RALYL: variants seen among roughly 807,000 people sequenced by gnomAD.
The protein encoded by RALYL is RALY RNA binding protein like.
A neutral mutation model predicts 35.1 loss-of-function variants in RALYL; 29 were observed. That is an observed-to-expected ratio of 0.83 (90% CI 0.61 to 1.13). The LOEUF (loss-of-function observed/expected upper bound fraction) is 1.13, where lower values mean the gene tolerates loss of function less well. Ranked by LOEUF, RALYL falls within the 50% of genes most tolerant of loss-of-function variation. The pLI is 0.00. For synonymous variants in RALYL, 120 were observed against 127.6 expected (o/e 0.94, Z 0.40); for missense variants, 359 against 360.4 (o/e 1.00, Z 0.03).
intron 4 of RALYL, among the ~76,000 whole-genome samples, chr8:84,844,013 C>T (rs2134658425): frequency 6.6e-6 from 1 of 152,278 alleles, no homozygotes; most frequent in South Asian, 2.1e-4. Flanking sequence ...ACCGTAAAAA[C>T]CCTAGGAGAA....
intron 1 of RALYL, among the ~76,000 whole-genome samples, chr8:84,205,022 C>T (rs1182816440): frequency 6.6e-6 from 1 of 152,082 alleles, no homozygotes; most frequent in Admixed American, 6.5e-5. Flanking sequence ...AAACTTAAGC[C>T]CAGGTCTGAT....
chr8:84,404,994 T>A (rs918878525), intron 1 of RALYL, among the ~76,000 whole-genome samples: 6 of 151,814 alleles, frequency 4.0e-5, no homozygotes, highest in Non-Finnish European at 7.4e-5. Flanking sequence ...TGCAAAAGAG[T>A]GAAGATCATA....
chr8:84,913,729 A>G (rs947460090), intron 8 of RALYL, among the ~76,000 whole-genome samples: 6 of 151,996 alleles, frequency 3.9e-5, no homozygotes, highest in Admixed American at 2.0e-4. Context: ...CCAGTATTCT[A>G]TTATATCCAG....
intron 2 of RALYL, among the ~76,000 whole-genome samples, chr8:84,559,584 G>T (rs1262035103): frequency 6.6e-6 from 1 of 152,016 alleles, no homozygotes; most frequent in Non-Finnish European, 1.5e-5. Flanking sequence ...TGGTAGGTTG[G>T]ACTATTTTGA....
chr8:84,411,440 C>A (rs1472002850), intron 1 of RALYL, among the ~76,000 whole-genome samples: 4 of 151,806 alleles, frequency 2.6e-5, no homozygotes, highest in African/African-American at 9.7e-5. Context: ...ATTCCCTCTC[C>A]CTTTAACCAG....
intron 2 of RALYL, among the ~76,000 whole-genome samples, chr8:84,664,777 G>C (rs946167404): frequency 3.9e-5 from 6 of 152,084 alleles, no homozygotes; most frequent in Non-Finnish European, 7.4e-5. Flanking sequence ...TACAAACAGG[G>C]ATGGTTTGAC....
chr8:84,448,094 A>G (rs997241415), intron 1 of RALYL, among the ~76,000 whole-genome samples: 6 of 152,068 alleles, frequency 3.9e-5, no homozygotes, highest in African/African-American at 1.4e-4. Context: ...ATGAGTGACC[A>G]GGGAATAATG....
chr8:84,362,937 G>C (rs557040179), intron 1 of RALYL, among the ~76,000 whole-genome samples: 1 of 152,206 alleles, frequency 6.6e-6, no homozygotes, highest in African/African-American at 2.4e-5. Flanking sequence ...ACAATTGCAG[G>C]ACACAGTGGG....
chr8:84,366,196 C>T (rs370254670), intron 1 of RALYL, among the ~76,000 whole-genome samples: 1 of 152,092 alleles, frequency 6.6e-6, no homozygotes, highest in African/African-American at 2.4e-5. Context: ...AGAAGATGAT[C>T]TCCCAAAATT....
intron 2 of RALYL, among the ~76,000 whole-genome samples, chr8:84,707,425 A>AT (rs560139418): frequency 7.9e-5 from 12 of 151,914 alleles, no homozygotes; most frequent in African/African-American, 1.2e-4. Flanking sequence ...TATATCCCTC[A>AT]TTTTTTTTCC....
At chr8:84,642,357 G>GT (rs911505374) in intron 2 of RALYL, among the ~76,000 whole-genome samples, 3 of 150,756 alleles carry the variant, frequency 2.0e-5, no homozygotes, top group African/African-American at 7.4e-5. Context: ...AATTTGTGGG[G>GT]TTTTTTTAAA....
intron 1 of RALYL, among the ~76,000 whole-genome samples, chr8:84,407,235 G>C (rs2043629746): frequency 2.0e-5 from 3 of 152,138 alleles, no homozygotes; most frequent in Admixed American, 1.3e-4. Flanking sequence ...GCAAAAGAGT[G>C]CCTGGCAAAT....
chr8:84,702,978 T>A (rs1398882106), intron 2 of RALYL, among the ~76,000 whole-genome samples: 1 of 152,152 alleles, frequency 6.6e-6, no homozygotes, highest in African/African-American at 2.4e-5. Context: ...TTGGGATTCT[T>A]GAAGAGGGCA....
chr8:84,281,263 G>A (rs1473700281), intron 1 of RALYL, among the ~76,000 whole-genome samples: 1 of 152,102 alleles, frequency 6.6e-6, no homozygotes, highest in Non-Finnish European at 1.5e-5. Context: ...GGTAATTTTA[G>A]ATACATGAAC....
chr8:84,384,552 G>GCT (rs1461960665), intron 1 of RALYL, among the ~76,000 whole-genome samples: 4 of 151,832 alleles, frequency 2.6e-5, no homozygotes, highest in Non-Finnish European at 5.9e-5. Context: ...ACTTCTGAGA[G>GCT]TTTTTTCCTA....
At chr8:84,399,131 T>C (rs1292031265) in intron 1 of RALYL, among the ~76,000 whole-genome samples, 1 of 152,194 alleles carries the variant, frequency 6.6e-6, no homozygotes, top group Non-Finnish European at 1.5e-5. Context: ...AGGCAAAGCA[T>C]TTCATTCCCG....
At chr8:84,892,610 T>TA (rs766053248) in intron 8 of RALYL, among the ~76,000 whole-genome samples, 4,012 of 122,260 alleles carry the variant, frequency 0.033, 164 homozygotes, top group African/African-American at 0.1. Context: ...AACTCTGTCT[T>TA]AAAAAAAAAA....
chr8:84,511,013 C>CA (rs2057573752), intron 1 of RALYL, among the ~76,000 whole-genome samples: 1 of 152,162 alleles, frequency 6.6e-6, no homozygotes. Context: ...CAATAGATCT[C>CA]AAAACCTATT....
At chr8:84,508,545 C>T (rs1345614413) in intron 1 of RALYL, among the ~76,000 whole-genome samples, 3 of 151,784 alleles carry the variant, frequency 2.0e-5, no homozygotes, top group South Asian at 2.1e-4. Flanking sequence ...AAATATAAAA[C>T]ATAATTTAAA....
Sources: allele counts gnomAD v4.1 joint callset (sites outside exome capture counted in the v4.1 genomes callset), GRCh38; gene constraint gnomAD v4.1.1; transcripts MANE v1.5; gene names NCBI Gene and HGNC (gene_info 2026-07-23, HGNC 2026-07-21).